SHC3: variants seen among roughly 807,000 people sequenced by gnomAD.
The protein encoded by SHC3 is SHC-transforming protein 3.
Under a neutral mutation model 60.4 loss-of-function variants are expected in SHC3, and 15 were observed. That is an observed-to-expected ratio of 0.25 (90% CI 0.17 to 0.38). The LOEUF is 0.38. Ranked by LOEUF, SHC3 falls within the 10% of genes least tolerant of loss-of-function variation. SHC3 has a pLI of 1.00. For synonymous variants in SHC3, 294 were observed against 325.9 expected (o/e 0.90, Z 1.05); for missense variants, 677 against 786.1 (o/e 0.86, Z 1.66).
intron 1 of SHC3, among the ~76,000 whole-genome samples, chr9:89,115,809 A>G (rs1162397427): frequency 6.6e-6 from 1 of 152,220 alleles, no homozygotes; most frequent in African/African-American, 2.4e-5. Context: ...GCAGTGTCAC[A>G]TGAACAGCAA....
chr9:89,164,923 A>G (rs963459330), intron 1 of SHC3, among the ~76,000 whole-genome samples: 4 of 152,186 alleles, frequency 2.6e-5, no homozygotes, highest in African/African-American at 9.7e-5. Flanking sequence ...GCAATAAGAG[A>G]AGGAAAGGAA....
At chr9:89,137,506 C>G (rs1476720726) in intron 1 of SHC3, among the ~76,000 whole-genome samples, 2 of 152,062 alleles carry the variant, frequency 1.3e-5, no homozygotes, top group African/African-American at 4.8e-5. Context: ...TTTGTGAAAA[C>G]TCAAGTTCAT....
intron 11 of SHC3, among the ~76,000 whole-genome samples, chr9:89,018,922 C>A (rs919292077): frequency 6.6e-6 from 1 of 151,442 alleles, no homozygotes; most frequent in Admixed American, 6.6e-5. Flanking sequence ...AGCCGGACGT[C>A]ATGGTGGGTA....
intron 10 of SHC3, among the ~76,000 whole-genome samples, chr9:89,038,606 T>C (rs1824624714): frequency 6.6e-6 from 1 of 152,238 alleles, no homozygotes; most frequent in South Asian, 2.1e-4. Flanking sequence ...CATTTTTGCA[T>C]GCTGCAAGAG....
intron 1 of SHC3, among the ~76,000 whole-genome samples, chr9:89,130,269 G>A (rs150008382): frequency 0.014 from 2,089 of 152,214 alleles, 20 homozygotes; most frequent in Middle Eastern, 0.037. Context: ...TATAAAGCAA[G>A]TCCTTAGAGA....
At position 89,077,860 on chromosome 9, in the gene SHC3, C is replaced by G. The variant is rs1825384436; in HGVS notation, c.589G>C (p.Gly197Arg). The G allele has an allele frequency of 1.2e-6, 2 of 1,614,082 alleles. No homozygotes were observed. The highest frequency in any genetic ancestry group is 4.5e-5 in the East Asian group (2 of 44,902). The change falls in exon 3 of 12, where the codon GGA (glycine) becomes CGA (arginine). Residue 197 changes from glycine to arginine, a missense_variant. Gly to Arg is a moderately radical substitution (Grantham distance 125). Transcript: ENST00000375835. ...RVCEAVPGAK[G>R]AFKKRKPPSK... is the part of the protein sequence containing the mutation. ...AGTACCTTTCTCTTCTTGAAGGCTC[C>G]CTTCGCACCAGGCACAGCTTCACAG...
At chr9:89,100,048 T>G (rs896068274) in intron 2 of SHC3, among the ~76,000 whole-genome samples, 1 of 152,222 alleles carries the variant, frequency 6.6e-6, no homozygotes, top group East Asian at 1.9e-4. Flanking sequence ...TTCTCTGCTG[T>G]AGAATTCATT....
intron 2 of SHC3, among the ~76,000 whole-genome samples, chr9:89,108,500 G>A (rs1297249661): frequency 2.0e-5 from 3 of 151,894 alleles, no homozygotes; most frequent in African/African-American, 7.3e-5. Flanking sequence ...CAGGCTAGAC[G>A]ACAGGAGTGA....
Position 89,037,981 on chromosome 9 carries a change from C to G in SHC3, c.1656+12G>C, listed in dbSNP as rs371151904. On this transcript the variant is annotated intron_variant, in intron 11 of 11. Transcript: ENST00000375835. Reference sequence around the variant, plus strand: ...ACTGGCAGGTCCGGCCCCACCCCCACTGGGTGCTCACCGTGCCTTCTGGGT... The same window carrying G: ...ACTGGCAGGTCCGGCCCCACCCCCAGTGGGTGCTCACCGTGCCTTCTGGGT... 10 of 1,603,562 alleles carry G rather than the reference C, an allele frequency of 6.2e-6. No homozygotes were observed. In the African/African-American group the frequency reaches 6.7e-5, roughly 11 times the overall value.
chr9:89,028,967 G>T (rs1480200924), intron 11 of SHC3, among the ~76,000 whole-genome samples: 2 of 148,378 alleles, frequency 1.3e-5, no homozygotes, highest in Non-Finnish European at 1.5e-5. Flanking sequence ...TTCTGAGGCA[G>T]AATATATATA....
intron 11 of SHC3, among the ~76,000 whole-genome samples, chr9:89,014,478 A>G (rs1363997690): frequency 6.6e-6 from 1 of 152,090 alleles, no homozygotes; most frequent in Admixed American, 6.5e-5. Flanking sequence ...GGCTAGGTCC[A>G]TTCACCCTCA....
At position 89,178,025 on chromosome 9, in the gene SHC3, C is replaced by A; in HGVS notation, c.436G>T (p.Asp146Tyr). The A allele has an allele frequency of 8.1e-7, 1 of 1,233,274 alleles. No individual in the cohort carries two copies. Among genetic ancestry groups the A allele is most frequent in the South Asian group, 3.8e-5 (1 of 26,028 alleles). 76.4% of individuals were successfully genotyped at this position (1,233,274 alleles called of 1,614,324 possible). The part of the protein sequence containing the change: ...RPPRGAPHAS[D>Y]QVLGPGVTYV... ...GTGACTCCGGGCCCCAGCACCTGGT[C>A]GCTGGCGTGCGGCGCCCCCCGAGGG... Residue 146 changes from aspartate to tyrosine, a missense_variant, in exon 1 of 12, where the codon GAC (aspartate) becomes TAC (tyrosine). Asp to Tyr is a radical substitution (Grantham distance 160). Transcript: ENST00000375835. This position sits in a 1 kb window ranked among gnomAD's most constrained non-coding sequence, Gnocchi z 6.9.
chr9:89,092,578 T>G (rs991894714), intron 2 of SHC3, among the ~76,000 whole-genome samples: 3 of 135,832 alleles, frequency 2.2e-5, no homozygotes, highest in Non-Finnish European at 3.0e-5. Flanking sequence ...ATTGCACCAC[T>G]GCACTCCAGC....
intron 1 of SHC3, among the ~76,000 whole-genome samples, chr9:89,154,101 G>A (rs1012674050): frequency 2.6e-5 from 4 of 152,164 alleles, no homozygotes; most frequent in African/African-American, 4.8e-5. Flanking sequence ...GCTATATGTG[G>A]CCCAGGATGG....
chr9:89,169,121 T>C (rs556035955), intron 1 of SHC3, among the ~76,000 whole-genome samples: 1 of 152,334 alleles, frequency 6.6e-6, no homozygotes, highest in East Asian at 1.9e-4. Flanking sequence ...TGGTTCTGTT[T>C]CTCTGAAGAA....
At chr9:89,059,645 A>ATGGAGGATGGTGGTGGAGGACGTGG (rs1825036859) in intron 6 of SHC3, among the ~76,000 whole-genome samples, 1 of 26,684 alleles carries the variant, frequency 3.7e-5, no homozygotes, top group Non-Finnish European at 6.9e-5. Flanking sequence ...GGAGGACGTG[A>ATGGAGGATGGTGGTGGAGGACGTGG]TGGAGGATGG....
rs144858347 is a variant in SHC3, at chr9:89,141,183, G to A, written c.475-28557C>T. ...AAGCAGGGAATTGACCCTGAAGTTG[G>A]GATGCCATTGTAATGGCAGAGACCA... On this transcript the variant is annotated intron_variant, in intron 1 of 11. Coordinates refer to ENST00000375835, the MANE Select transcript of SHC3 (RefSeq NM_016848.6). 1.9e-3 allele frequency among the ~76,000 whole-genome samples: 286 copies of A among 152,304 alleles called. 4 individuals are homozygous for A. The highest frequency in any genetic ancestry group is 6.4e-3 in the African/African-American group (267 of 41,582).
chr9:89,161,584 TACCACAG>T (rs896855870), intron 1 of SHC3, among the ~76,000 whole-genome samples: 66 of 152,254 alleles, frequency 4.3e-4, no homozygotes, highest in African/African-American at 1.6e-3. Context: ...ATAACAAATA[TACCACAG>T]ACTAATAATA....
intron 2 of SHC3, among the ~76,000 whole-genome samples, chr9:89,088,352 T>C (rs1390709149): frequency 6.6e-6 from 1 of 152,246 alleles, no homozygotes; most frequent in African/African-American, 2.4e-5. Flanking sequence ...CTTGTATTGA[T>C]TGATGTTTGC....
Sources: allele counts gnomAD v4.1 joint callset (sites outside exome capture counted in the v4.1 genomes callset), GRCh38; gene constraint gnomAD v4.1.1; non-coding constraint Gnocchi (gnomAD v3.1); transcripts MANE v1.5; gene names NCBI Gene and HGNC (gene_info 2026-07-23, HGNC 2026-07-21).